PAH: variants seen among roughly 807,000 people sequenced by gnomAD.
PAH encodes the protein phenylalanine-4-hydroxylase.
A neutral mutation model predicts 62.0 loss-of-function variants in PAH; 64 were observed. The observed-to-expected ratio is 1.03, with a 90% CI of 0.84 to 1.27. The LOEUF is 1.27. Among genes scored for constraint, PAH ranks in the 50% most tolerant of loss-of-function variants. The pLI is 0.00. For missense variants in PAH, 579 were observed against 542.8 expected, an observed-to-expected ratio of 1.07 and a Z score of -0.66; for synonymous variants, 195 against 196.2, an observed-to-expected ratio of 0.99 and a Z score of 0.05.
intron 3 of PAH, among the ~76,000 whole-genome samples, chr12:102,883,556 T>C (rs560768023): frequency 1.3e-5 from 2 of 152,288 alleles, no homozygotes; most frequent in South Asian, 4.2e-4. Context: ...CTTGAGAAAG[T>C]TGCCAAGACT....
chr12:102,953,126 G>A (rs932174523), upstream of PAH, among the ~76,000 whole-genome samples: 1 of 152,114 alleles, frequency 6.6e-6, no homozygotes, highest in African/African-American at 2.4e-5. Flanking sequence ...ATGAATATTG[G>A]CTATGAATGC....
intron 3 of PAH, among the ~76,000 whole-genome samples, chr12:102,894,094 A>G (rs1877390591): frequency 6.6e-6 from 1 of 152,192 alleles, no homozygotes; most frequent in Admixed American, 6.5e-5. Flanking sequence ...TCAAAAATCC[A>G]TTCAATCATC....
At chr12:102,947,495 A>G (rs1237531954) in intron 1 of PAH, among the ~76,000 whole-genome samples, 6 of 152,206 alleles carry the variant, frequency 3.9e-5, no homozygotes. Flanking sequence ...TCAGCAGAAG[A>G]GGTGGAAGCT....
rs557852565 is a variant in PAH at position 102,855,613 on chromosome 12, C to T, written c.510-281G>A. Among the ~76,000 whole-genome samples the T allele has an allele frequency of 3.3e-5, 5 of 152,294 alleles. No homozygotes were observed. The South Asian group carries it at 1.0e-3, about 32-fold the overall frequency. Reference sequence around the variant, plus strand: ...GAAATCACTTGGTTTTTCTACTCTTCTAATTCTCTAATTGCTTACCTGGGG... The same window carrying T: ...GAAATCACTTGGTTTTTCTACTCTTTTAATTCTCTAATTGCTTACCTGGGG... On this transcript the variant is annotated intron_variant, in intron 5 of 12. Transcript: ENST00000553106.
upstream of PAH, among the ~76,000 whole-genome samples, chr12:102,921,378 T>A (rs73393508): frequency 0.032 from 4,822 of 152,304 alleles, 266 homozygotes; most frequent in African/African-American, 0.11. Flanking sequence ...GTCTTGTAGA[T>A]TTGTTGCAAT....
intron 1 of PAH, among the ~76,000 whole-genome samples, chr12:102,923,905 A>G (rs1335941462): frequency 1.3e-5 from 2 of 152,178 alleles, no homozygotes; most frequent in Admixed American, 1.3e-4. Context: ...TTGTCCTGCC[A>G]ATGGTGGAGT....
chr12:102,874,073 A>G lies in PAH; in HGVS notation c.441+3389T>C, dbSNP rs1565857986. Among the ~76,000 whole-genome samples the G allele has an allele frequency of 2.0e-5, 3 of 152,212 alleles. No individual in the cohort carries two copies. The South Asian group carries it at 6.2e-4, about 31-fold the overall frequency. On this transcript the variant is annotated intron_variant, in intron 4 of 12. Coordinates refer to ENST00000553106, the MANE Select transcript of PAH (RefSeq NM_000277.3). ...GTATAAACACAATGTGATTGTTGCC[A>G]TCTCTGAGATAGTAACAGTGTGAGA...
chr12:102,856,209 A>G (rs532808501), intron 5 of PAH, among the ~76,000 whole-genome samples: 22 of 152,290 alleles, frequency 1.4e-4, no homozygotes, highest in African/African-American at 5.1e-4. Flanking sequence ...TCAAGTACAT[A>G]TGCCAGGCCG....
At chr12:102,874,971 GAGA>G (rs1400511478) in intron 4 of PAH, among the ~76,000 whole-genome samples, 3 of 152,174 alleles carry the variant, frequency 2.0e-5, no homozygotes, top group African/African-American at 7.2e-5. Context: ...GGGTCCTTTC[GAGA>G]AGAACACCCG....
At chr12:102,956,106 A>C (rs1004455717) in intron 1 of PAH, among the ~76,000 whole-genome samples, 2 of 152,144 alleles carry the variant, frequency 1.3e-5, no homozygotes, top group African/African-American at 4.8e-5. Flanking sequence ...ACCTCCACAA[A>C]GGGGAGTTCA....
chr12:102,939,451 C>T (rs1879216893), intron 1 of PAH, among the ~76,000 whole-genome samples: 1 of 152,190 alleles, frequency 6.6e-6, no homozygotes, highest in African/African-American at 2.4e-5. Flanking sequence ...TTCCCATTGG[C>T]AGCACCTCTG....
rs1463687991 is a variant in PAH, at chr12:102,917,145, A to C, written c.-15T>G. 4 of 1,613,874 alleles carry C rather than the reference A, an allele frequency of 2.5e-6. No homozygotes were observed. Among genetic ancestry groups the C allele is most frequent in the Non-Finnish European group, 3.4e-6 (4 of 1,179,888 alleles). ...GCAGTGGACATGCTGGCTCCCCGGG[A>C]GTGAGGTCTCTGGCTTTTTAGGGCC... is the stretch of plus-strand genomic sequence containing the variant. On this transcript the variant is annotated 5_prime_UTR_variant, in exon 1 of 13. Transcript: ENST00000553106.
chr12:102,877,154 A>T, intron 4 of PAH: 1 of 420,384 alleles, frequency 2.4e-6, no homozygotes, highest in African/African-American at 2.0e-5. Flanking sequence ...ACCTCCATAG[A>T]TGTACACAGG....
chr12:102,904,997 C>T (rs1240178239), intron 2 of PAH, among the ~76,000 whole-genome samples: 1 of 152,166 alleles, frequency 6.6e-6, no homozygotes, highest in Non-Finnish European at 1.5e-5. Flanking sequence ...TCTACTCTCC[C>T]TAGTCTTCCA....
intron 5 of PAH, among the ~76,000 whole-genome samples, chr12:102,859,859 C>A (rs1295589303): frequency 3.2e-4 from 48 of 152,162 alleles, no homozygotes. Flanking sequence ...AAACCCACAG[C>A]CAATATCATA....
At chr12:102,873,203 G>A (rs181553447) in intron 4 of PAH, among the ~76,000 whole-genome samples, 1 of 152,174 alleles carries the variant, frequency 6.6e-6, no homozygotes, top group Non-Finnish European at 1.5e-5. Context: ...TTCAGAGAAC[G>A]TTGCTAAACT....
At chr12:102,853,741 T>A (rs1041536785) in intron 6 of PAH, among the ~76,000 whole-genome samples, 4 of 152,218 alleles carry the variant, frequency 2.6e-5, no homozygotes, top group African/African-American at 9.7e-5. Context: ...CTTTGGAGGA[T>A]AAGGATAGTG....
intron 11 of PAH, among the ~76,000 whole-genome samples, chr12:102,843,374 T>A (rs932682208): frequency 2.6e-5 from 4 of 152,108 alleles, no homozygotes; most frequent in Admixed American, 2.6e-4. Flanking sequence ...GAGACTTCTG[T>A]GGCCACTCTG....
intron 2 of PAH, among the ~76,000 whole-genome samples, chr12:102,898,902 C>T (rs1877619151): frequency 6.6e-6 from 1 of 152,076 alleles, no homozygotes; most frequent in Non-Finnish European, 1.5e-5. Flanking sequence ...AATAAGTAAC[C>T]TCAAACAGGC....
Sources: allele counts gnomAD v4.1 joint callset (sites outside exome capture counted in the v4.1 genomes callset), GRCh38; gene constraint gnomAD v4.1.1; transcripts MANE v1.5; gene names NCBI Gene and HGNC (gene_info 2026-07-23, HGNC 2026-07-21).